The following ABI1 variants were observed in gnomAD, a reference collection of about 807,000 sequenced individuals.
ABI1 encodes Abelson interactor 1.
ABI1 carries 14 observed loss-of-function variants against 54.6 expected under a neutral mutation model. The ratio of observed to expected loss-of-function variants is 0.26; its 90% CI spans 0.17 to 0.40. The LOEUF is 0.40. ABI1 is among the 10% of genes least tolerant of loss of function. ABI1 has a pLI of 1.00. For synonymous variants in ABI1, 194 were observed against 209.3 expected (o/e 0.93, Z 0.63); for missense variants, 443 against 598.3 (o/e 0.74, Z 2.71).
At chr10:26,777,290 G>T in intron 2 of ABI1, 49 bp from the exon 3 acceptor site, 4 of 1,452,216 alleles carry the variant, frequency 2.8e-6, no homozygotes, top group Non-Finnish European at 3.8e-6. Context: ...GACATAATAT[G>T]TTTGCTATCC....
chr10:26,754,190 T>C (rs1411791934), intron 9 of ABI1, among the ~76,000 whole-genome samples: 2 of 152,134 alleles, frequency 1.3e-5, no homozygotes, highest in Non-Finnish European at 2.9e-5. Flanking sequence ...TTTTTGCACG[T>C]CTAGGCTGGA....
intron 10 of ABI1, among the ~76,000 whole-genome samples, chr10:26,749,971 A>G (rs1481812018): frequency 7.9e-5 from 12 of 152,306 alleles, no homozygotes; most frequent in African/African-American, 2.9e-4. Context: ...ATCCTCCTCT[A>G]CTATCAAATA....
chr10:26,851,188 A>G (rs7922118), intron 1 of ABI1, among the ~76,000 whole-genome samples: 57,793 of 151,478 alleles, frequency 0.38, 12,916 homozygotes, highest in African/African-American at 0.62. Context: ...GATGGAGGAA[A>G]ATGCTTGGTT....
chr10:26,796,527 A>G (rs1588903573), intron 2 of ABI1, among the ~76,000 whole-genome samples: 5 of 152,136 alleles, frequency 3.3e-5, no homozygotes. Flanking sequence ...TGTACTATCT[A>G]GGTTTGCGTA....
At chr10:26,822,987 A>T in intron 2 of ABI1, 151 bp downstream of exon 2, 1 of 665,400 alleles carries the variant, frequency 1.5e-6, no homozygotes, top group Non-Finnish European at 2.4e-6. Context: ...AAAGGACTAA[A>T]AGAAAAACAG....
intron 9 of ABI1, among the ~76,000 whole-genome samples, chr10:26,752,537 C>T (rs572879669): frequency 2.0e-5 from 3 of 151,918 alleles, no homozygotes; most frequent in East Asian, 3.9e-4. Flanking sequence ...AGCCTAGATC[C>T]TAAAGATTCG....
intron 2 of ABI1, among the ~76,000 whole-genome samples, chr10:26,797,108 T>A (rs1398033924): frequency 6.6e-6 from 1 of 152,196 alleles, no homozygotes; most frequent in African/African-American, 2.4e-5. Context: ...ACCTCAAATA[T>A]ACACAGTAAA....
chr10:26,765,413 G>A, intron 6 of ABI1, 95 bp from the exon 7 acceptor site: 2 of 811,316 alleles, frequency 2.5e-6, no homozygotes, highest in Non-Finnish European at 3.9e-6. Context: ...CTCCTTTTAT[G>A]TCATATAGTC....
intron 2 of ABI1, among the ~76,000 whole-genome samples, chr10:26,781,670 G>C (rs1024442680): frequency 6.6e-6 from 1 of 152,164 alleles, no homozygotes; most frequent in Non-Finnish European, 1.5e-5. Context: ...ATTACCAACT[G>C]CCTAGGTATT....
chr10:26,774,270 A>AT, intron 3 of ABI1, among the ~76,000 whole-genome samples: 1 of 152,124 alleles, frequency 6.6e-6, no homozygotes, highest in South Asian at 2.1e-4. Flanking sequence ...TCTTTCTGGA[A>AT]TTTTTTTATC....
chr10:26,817,111 T>C (rs1037890121), intron 2 of ABI1, among the ~76,000 whole-genome samples: 2 of 151,844 alleles, frequency 1.3e-5, no homozygotes, highest in South Asian at 4.2e-4. Flanking sequence ...GCGATTCTCC[T>C]GCCTTAGCCT....
At chr10:26,768,538 CAA>C (rs992071667) in intron 6 of ABI1, among the ~76,000 whole-genome samples, 1 of 122,114 alleles carries the variant, frequency 8.2e-6, no homozygotes. Context: ...AACTCCGTCA[CAA>C]AAAAAAAAAG....
At chr10:26,812,381 G>C (rs2047297073) in intron 2 of ABI1, among the ~76,000 whole-genome samples, 2 of 152,170 alleles carry the variant, frequency 1.3e-5, no homozygotes, top group Admixed American at 1.3e-4. Flanking sequence ...TCAAGTGAGT[G>C]CTAATGAATG....
chr10:26,820,199 A>C (rs1564539661), intron 2 of ABI1, among the ~76,000 whole-genome samples: 1 of 152,180 alleles, frequency 6.6e-6, no homozygotes, highest in Non-Finnish European at 1.5e-5. Flanking sequence ...GCCACACACA[A>C]AAAAAGTAGC....
intron 6 of ABI1, among the ~76,000 whole-genome samples, chr10:26,768,105 A>T (rs904215936): frequency 2.6e-5 from 4 of 152,040 alleles, no homozygotes; most frequent in Admixed American, 6.6e-5. Context: ...TGATTCTCTT[A>T]AAAAAATCTC....
At chr10:26,796,265 A>T (rs964920267) in intron 2 of ABI1, among the ~76,000 whole-genome samples, 1 of 152,234 alleles carries the variant, frequency 6.6e-6, no homozygotes, top group African/African-American at 2.4e-5. Flanking sequence ...ATAAAACTGT[A>T]TTGTACAGTC....
intron 1 of ABI1, among the ~76,000 whole-genome samples, chr10:26,833,869 C>T (rs2048849605): frequency 6.6e-6 from 1 of 151,998 alleles, no homozygotes; most frequent in Non-Finnish European, 1.5e-5. Flanking sequence ...ATATTCATGC[C>T]ACCTTTATTT....
At chr10:26,859,036 T>C (rs557212718) in intron 1 of ABI1, among the ~76,000 whole-genome samples, 8 of 152,330 alleles carry the variant, frequency 5.3e-5, no homozygotes, top group Non-Finnish European at 1.0e-4. Flanking sequence ...TTTCAAGGCT[T>C]TTCATGTTAA....
intron 1 of ABI1, among the ~76,000 whole-genome samples, chr10:26,833,123 C>G (rs1422824621): frequency 6.6e-6 from 1 of 152,168 alleles, no homozygotes; most frequent in African/African-American, 2.4e-5. Context: ...ACTAAGAGGT[C>G]TGGAAGCCCA....
Sources: gnomAD v4.1 joint callset for allele counts (sites outside exome capture counted in the v4.1 genomes callset) on GRCh38, gnomAD v4.1.1 for gene constraint, MANE v1.5 for transcripts, NCBI Gene and HGNC (gene_info 2026-07-23, HGNC 2026-07-21) for gene names.